The following PLCB1 variants were observed in gnomAD, a reference collection of about 807,000 sequenced individuals.
The protein encoded by PLCB1 is phospholipase C beta 1.
PLCB1 carries 46 observed loss-of-function variants against 161.8 expected under a neutral mutation model. The observed-to-expected ratio is 0.28, with a 90% CI of 0.22 to 0.36. The LOEUF (loss-of-function observed/expected upper bound fraction) is 0.36, where lower values mean the gene tolerates loss of function less well. PLCB1 is among the 10% of genes least tolerant of loss of function. The probability of loss-of-function intolerance (pLI) is 1.00; values close to 1 mark genes in which losing one functional copy is unlikely to be tolerated. For missense variants in PLCB1, 1,016 were observed against 1,472.5 expected, an observed-to-expected ratio of 0.69 and a Z score of 5.07; for synonymous variants, 517 against 503.7, an observed-to-expected ratio of 1.03 and a Z score of -0.35.
At chr20:8,510,323 C>T (rs1038721064) in intron 3 of PLCB1, among the ~76,000 whole-genome samples, 9 of 151,380 alleles carry the variant, frequency 5.9e-5, no homozygotes, top group Admixed American at 2.6e-4. Flanking sequence ...ATATTTACAA[C>T]GAAATTAATT....
intron 3 of PLCB1, among the ~76,000 whole-genome samples, chr20:8,401,261 A>T: frequency 6.6e-6 from 1 of 152,334 alleles, no homozygotes; most frequent in African/African-American, 2.4e-5. Context: ...AAGAGCTATC[A>T]TATACTGGAA....
intron 3 of PLCB1, among the ~76,000 whole-genome samples, chr20:8,541,854 A>AAACT (rs1481444116): frequency 6.6e-6 from 1 of 152,192 alleles, no homozygotes; most frequent in Non-Finnish European, 1.5e-5. Flanking sequence ...GTTTTCTTTC[A>AAACT]AACTTCCCTC....
At chr20:8,182,005 T>C (rs575032987) in intron 2 of PLCB1, among the ~76,000 whole-genome samples, 1 of 152,230 alleles carries the variant, frequency 6.6e-6, no homozygotes, top group Non-Finnish European at 1.5e-5. Flanking sequence ...AATACTGATA[T>C]TTAAGAGATT....
intron 31 of PLCB1, among the ~76,000 whole-genome samples, chr20:8,821,573 T>A (rs1985422841): frequency 1.5e-5 from 2 of 137,176 alleles, no homozygotes; most frequent in African/African-American, 2.7e-5. Flanking sequence ...ATGACACTTT[T>A]AAAAATGGAG....
intron 2 of PLCB1, among the ~76,000 whole-genome samples, chr20:8,360,891 GT>G (rs1986517257): frequency 6.6e-6 from 1 of 152,158 alleles, no homozygotes; most frequent in East Asian, 1.9e-4. Context: ...AAAAAAAATT[GT>G]GATACATTTT....
chr20:8,414,754 G>A (rs1433043131), intron 3 of PLCB1, among the ~76,000 whole-genome samples: 2 of 152,032 alleles, frequency 1.3e-5, no homozygotes, highest in Non-Finnish European at 1.5e-5. Context: ...TGTGACTTTT[G>A]TAACTGAGGA....
In PLCB1 at chr20:8,404,634, A is replaced by G. The variant is rs138195115; in HGVS notation, c.246+33184A>G. ...AATGATTTCATTGTCTCAAAATGAT[A>G]TGGTGGTGAGGGTAACATTCTATAA... On this transcript the variant is annotated intron_variant, in intron 3 of 31. Transcript: ENST00000338037. 6.0e-3 allele frequency among the ~76,000 whole-genome samples: 908 copies of G among 152,342 alleles called. 7 individuals are homozygous for G. The highest frequency in any genetic ancestry group is 0.027 in the South Asian group (128 of 4,828).
chr20:8,640,849 G>A (rs1357019177), intron 4 of PLCB1, among the ~76,000 whole-genome samples: 1 of 152,256 alleles, frequency 6.6e-6, no homozygotes, highest in East Asian at 1.9e-4. Flanking sequence ...CATGGACGTT[G>A]CTCTTTGGGG....
At position 8,363,529 on chromosome 20, in the gene PLCB1, G is replaced by T. The variant is rs567039371; in HGVS notation, c.178-7853G>T. 1.2e-3 allele frequency among the ~76,000 whole-genome samples: 182 copies of T among 152,146 alleles called. 1 individual carries two copies. Among genetic ancestry groups the T allele is most frequent in the African/African-American group, 3.8e-3 (158 of 41,512 alleles). The stretch of plus-strand genomic sequence containing the variant: ...GGCCTACCCAAGATATCTCTCTTTT[G>T]GCTAACTTTATGTTGTCTGATTGGG... On this transcript the variant is annotated intron_variant, in intron 2 of 31. Coordinates refer to ENST00000338037, the MANE Select transcript of PLCB1 (RefSeq NM_015192.4).
rs540681475 is a variant in PLCB1 at position 8,570,268 on chromosome 20, A to G, written c.247-58026A>G. ...CTGGGGGATAAGATTGGTTGTAAGC[A>G]GATCAGGGCACCCCTCTGCAACAGT... On this transcript the variant is annotated intron_variant, in intron 3 of 31. Coordinates refer to ENST00000338037, the MANE Select transcript of PLCB1 (RefSeq NM_015192.4). 4.5e-4 allele frequency among the ~76,000 whole-genome samples: 69 copies of G among 152,318 alleles called. 1 individual carries two copies. In the South Asian group the frequency reaches 0.014, roughly 32 times the overall value.
intron 2 of PLCB1, among the ~76,000 whole-genome samples, chr20:8,237,751 A>G (rs1980398973): frequency 6.6e-6 from 1 of 152,106 alleles, no homozygotes; most frequent in South Asian, 2.1e-4. Context: ...AATCTGCAAT[A>G]TAATCAGGCA....
At chr20:8,818,200 G>C (rs1985167465) in intron 31 of PLCB1, among the ~76,000 whole-genome samples, 1 of 152,162 alleles carries the variant, frequency 6.6e-6, no homozygotes, top group South Asian at 2.1e-4. Context: ...CTCAAGCATA[G>C]TGTATTTTAA....
intron 3 of PLCB1, among the ~76,000 whole-genome samples, chr20:8,464,375 TTC>T (rs1029801289): frequency 1.2e-4 from 19 of 152,144 alleles, no homozygotes; most frequent in African/African-American, 4.6e-4. Context: ...CTCCCATTCA[TTC>T]TGTTTTCCTT....
chr20:8,348,996 A>G (rs1986087821), intron 2 of PLCB1, among the ~76,000 whole-genome samples: 1 of 152,290 alleles, frequency 6.6e-6, no homozygotes, highest in East Asian at 1.9e-4. Context: ...ATATTTGTAT[A>G]TATATATGTA....
intron 2 of PLCB1, among the ~76,000 whole-genome samples, chr20:8,175,123 TAACA>T (rs1319431316): frequency 1.3e-5 from 2 of 151,472 alleles, no homozygotes; most frequent in African/African-American, 4.8e-5. Flanking sequence ...ACCAACCTAA[TAACA>T]AACAAAAACC....
intron 2 of PLCB1, among the ~76,000 whole-genome samples, chr20:8,274,717 T>C (rs1409278497): frequency 4.6e-5 from 7 of 152,200 alleles, no homozygotes; most frequent in Admixed American, 3.9e-4. Context: ...ATGTGTTTTA[T>C]GAGATCTTCC....
chr20:8,711,020 C>T lies in PLCB1; in HGVS notation c.1250+2268C>T, dbSNP rs578004896. Among the ~76,000 whole-genome samples, 92 of 152,276 alleles carry T rather than the reference C, an allele frequency of 6.0e-4. 1 individual carries two copies. Among genetic ancestry groups the T allele is most frequent in the African/African-American group, 1.9e-3 (77 of 41,566 alleles). On this transcript the variant is annotated intron_variant, in intron 12 of 31. Coordinates refer to ENST00000338037, the MANE Select transcript of PLCB1 (RefSeq NM_015192.4). ...TTGAAATATTTTACATGCCTCAGCT[C>T]ATGTAAGCCTTACCACAAACCCAGG...
intron 14 of PLCB1, among the ~76,000 whole-genome samples, chr20:8,718,056 G>T (rs945437577): frequency 2.3e-5 from 3 of 129,854 alleles, no homozygotes; most frequent in African/African-American, 7.9e-5. Context: ...CCTGTCTCTT[G>T]CAAAAATACA....
chr20:8,498,255 G>A (rs777677408), intron 3 of PLCB1, among the ~76,000 whole-genome samples: 5 of 152,016 alleles, frequency 3.3e-5, no homozygotes, highest in Admixed American at 2.0e-4. Flanking sequence ...GTGCCACCAC[G>A]CCCGGGTAAT....
Sources: allele counts gnomAD v4.1 joint callset (sites outside exome capture counted in the v4.1 genomes callset), GRCh38; gene constraint gnomAD v4.1.1; transcripts MANE v1.5; gene names NCBI Gene and HGNC (gene_info 2026-07-23, HGNC 2026-07-21).